The following NHSL2 variants were observed in gnomAD, a reference collection of about 807,000 sequenced individuals.
NHSL2 encodes the protein NHS like 2.
NHSL2 carries 27 observed loss-of-function variants against 53.4 expected under a neutral mutation model. That is an observed-to-expected ratio of 0.51 (90% CI 0.37 to 0.70). The LOEUF is 0.70. Ranked by LOEUF, NHSL2 falls within the 30% of genes least tolerant of loss-of-function variation. The pLI is 0.00. For synonymous variants in NHSL2, 408 were observed against 404.1 expected (o/e 1.01, Z -0.12); for missense variants, 892 against 980.1 (o/e 0.91, Z 1.20).
At chrX:72,108,506 A>C (rs1169489136) in intron 1 of NHSL2, among the ~76,000 whole-genome samples, 1 of 112,948 alleles carries the variant, frequency 8.9e-6, no homozygotes, top group Non-Finnish European at 1.9e-5. Context: ...TAAGCGACAG[A>C]GCCAGGATTT....
chrX:71,997,617 G>A (rs983755628), intron 1 of NHSL2, among the ~76,000 whole-genome samples: 6 of 112,416 alleles, frequency 5.3e-5, no homozygotes, highest in Admixed American at 1.9e-4. Flanking sequence ...GGCCCATACT[G>A]CCTGGCTCTG....
chrX:72,038,694 A>G (rs192832152), intron 1 of NHSL2, among the ~76,000 whole-genome samples: 1 of 112,574 alleles, frequency 8.9e-6, no homozygotes, highest in Non-Finnish European at 1.9e-5. Flanking sequence ...TTAGAGTGTT[A>G]TGATTGGTCC....
chrX:72,097,847 C>A (rs751504206), intron 1 of NHSL2, among the ~76,000 whole-genome samples: 41 of 112,092 alleles, frequency 3.7e-4, no homozygotes, highest in African/African-American at 1.3e-3. Context: ...CTGCAGGTGG[C>A]AATTAAATTG....
intron 1 of NHSL2, among the ~76,000 whole-genome samples, chrX:72,103,313 T>C (rs968560698): frequency 1.8e-5 from 2 of 111,728 alleles, no homozygotes; most frequent in Non-Finnish European, 3.8e-5. Context: ...CAGAGGGGAC[T>C]GGGAAGAGTC....
rs147682295 is a variant in NHSL2 at position 72,024,419 on chromosome X, C to T, written c.281-107660C>T. Among the ~76,000 whole-genome samples the T allele has an allele frequency of 4.8e-3, 535 of 111,766 alleles. 3 individuals carry two copies. The highest frequency in any genetic ancestry group is 0.017 in the African/African-American group (519 of 30,720). Reference sequence around the variant, plus strand: ...TACTTCTTGACCTAGGAAGATGTGGCCTTGGCAGTATTTTAAAGGAGACAT... The same window carrying T: ...TACTTCTTGACCTAGGAAGATGTGGTCTTGGCAGTATTTTAAAGGAGACAT... On this transcript the variant is annotated intron_variant, in intron 1 of 7. Coordinates refer to ENST00000633930, the MANE Select transcript of NHSL2 (RefSeq NM_001013627.3).
At chrX:72,010,707 C>G (rs1212704979) in intron 1 of NHSL2, among the ~76,000 whole-genome samples, 1 of 112,366 alleles carries the variant, frequency 8.9e-6, no homozygotes, top group Non-Finnish European at 1.9e-5. Flanking sequence ...CTTAATTAAA[C>G]TTTTAATTGT....
chrX:72,111,019 G>A (rs1456454307), intron 1 of NHSL2, among the ~76,000 whole-genome samples: 4 of 112,682 alleles, frequency 3.5e-5, no homozygotes, highest in South Asian at 3.6e-4. Context: ...ATTAAATCGC[G>A]TTGTTATGGC....
At position 71,951,784 on chromosome X, in the gene NHSL2, C is replaced by T. The variant is rs775221074; in HGVS notation, c.280+40417C>T. Among the ~76,000 whole-genome samples the T allele has an allele frequency of 1.3e-3, 150 of 112,523 alleles. 1 individual carries two copies. The highest frequency in any genetic ancestry group is 1.4e-3 in the Non-Finnish European group (77 of 53,320). On this transcript the variant is annotated intron_variant, in intron 1 of 7. Coordinates refer to ENST00000633930, the MANE Select transcript of NHSL2 (RefSeq NM_001013627.3). Reference sequence around the variant, plus strand: ...GCTTTGTTGTGCAGTTACCTCTGGACTCTCCACATGCTTTGAAGGCTGCAA... The same window carrying T: ...GCTTTGTTGTGCAGTTACCTCTGGATTCTCCACATGCTTTGAAGGCTGCAA...
intron 1 of NHSL2, among the ~76,000 whole-genome samples, chrX:72,066,462 A>G (rs1218678224): frequency 9.0e-6 from 1 of 111,356 alleles, no homozygotes; most frequent in Non-Finnish European, 1.9e-5. Context: ...GGCTATGGCC[A>G]TGGGGACACT....
At chrX:72,088,449 A>G (rs943712113) in intron 1 of NHSL2, among the ~76,000 whole-genome samples, 3 of 112,517 alleles carry the variant, frequency 2.7e-5, no homozygotes, top group African/African-American at 9.7e-5. Flanking sequence ...TGGTGCTCTC[A>G]CATGCTCCTA....
intron 1 of NHSL2, among the ~76,000 whole-genome samples, chrX:71,970,439 C>G (rs1014937934): frequency 1.8e-5 from 2 of 111,874 alleles, no homozygotes; most frequent in Non-Finnish European, 3.8e-5. Flanking sequence ...TTTTCTATTT[C>G]TTCTTGGGTC....
chrX:72,068,675 T>A (rs999438636), intron 1 of NHSL2, among the ~76,000 whole-genome samples: 37 of 108,994 alleles, frequency 3.4e-4, no homozygotes, highest in Middle Eastern at 9.6e-3. Flanking sequence ...TGTGTGTGTG[T>A]GAGAGAGAGA....
chrX:72,074,362 T>A (rs1015718389), intron 1 of NHSL2, among the ~76,000 whole-genome samples: 1 of 112,365 alleles, frequency 8.9e-6, no homozygotes, highest in Non-Finnish European at 1.9e-5. Flanking sequence ...TATAAGGGAG[T>A]CCATTGACCC....
intron 1 of NHSL2, among the ~76,000 whole-genome samples, chrX:72,057,540 G>A (rs1162836780): frequency 9.0e-6 from 1 of 111,565 alleles, no homozygotes; most frequent in Non-Finnish European, 1.9e-5. Context: ...CTTCCTCTGA[G>A]ACTGTACATC....
intron 1 of NHSL2, among the ~76,000 whole-genome samples, chrX:72,051,011 A>G (rs1438119063): frequency 1.8e-5 from 2 of 111,766 alleles, no homozygotes; most frequent in African/African-American, 6.5e-5. Flanking sequence ...ATGCAAATCC[A>G]GGCTATGTTT....
intron 1 of NHSL2, among the ~76,000 whole-genome samples, chrX:72,043,902 C>T (rs183322127): frequency 8.0e-5 from 9 of 112,016 alleles, no homozygotes; most frequent in Admixed American, 6.6e-4. Context: ...CTGAGTCCTA[C>T]GTGAGAACAT....
chrX:72,144,186 T>A lies in NHSL2; in HGVS notation c.*612T>A. On this transcript the variant is annotated 3_prime_UTR_variant, in exon 8 of 8. Coordinates refer to ENST00000633930, the MANE Select transcript of NHSL2 (RefSeq NM_001013627.3). The stretch of plus-strand genomic sequence containing the variant: ...ATGACTGTGACTCTGTCCTGAAACT[T>A]AATGCCTTTTTCAGTTTGATTGTCT... 6.9e-6 allele frequency: 1 copy of A among 145,457 alleles called. No homozygotes were observed. The highest frequency in any genetic ancestry group is 1.3e-5 in the Non-Finnish European group (1 of 74,266). The allele number at this position is 145,457 out of a possible 1,213,427, so 12.0% of individuals were successfully genotyped here. A position where few individuals can be genotyped will look rare whatever the true frequency, so the allele number is the denominator to read the frequency against.
chrX:71,946,456 A>G (rs890837378), intron 1 of NHSL2, among the ~76,000 whole-genome samples: 7 of 111,752 alleles, frequency 6.3e-5, no homozygotes, highest in African/African-American at 2.0e-4. Context: ...GAATGGGATT[A>G]CCGTGGCAGG....
intron 1 of NHSL2, among the ~76,000 whole-genome samples, chrX:72,108,638 G>A (rs1421134561): frequency 8.9e-6 from 1 of 112,872 alleles, no homozygotes; most frequent in Non-Finnish European, 1.9e-5. Flanking sequence ...CAGCAGGCTA[G>A]TAGTGTGTGC....
Sources: gnomAD v4.1 joint callset for allele counts (sites outside exome capture counted in the v4.1 genomes callset) on GRCh38, gnomAD v4.1.1 for gene constraint, MANE v1.5 for transcripts, NCBI Gene and HGNC (gene_info 2026-07-23, HGNC 2026-07-21) for gene names.